The following DOCK8 variants were observed in gnomAD, a reference collection of about 807,000 sequenced individuals.
DOCK8 encodes the protein dedicator of cytokinesis 8.
In DOCK8, 141 loss-of-function variants were observed where a neutral mutation model predicts 245.6. That is an observed-to-expected ratio of 0.57 (90% CI 0.50 to 0.66). DOCK8 has a LOEUF of 0.66. DOCK8 is among the 30% of genes least tolerant of loss of function. DOCK8 has a pLI of 0.00. For missense variants in DOCK8, 2,965 were observed against 2,603.4 expected (o/e 1.14, Z -3.02); for synonymous variants, 1,168 against 970.2 (o/e 1.20, Z -3.79).
chr9:245,648 C>T (rs2047489249), intron 1 of DOCK8, among the ~76,000 whole-genome samples: 1 of 152,194 alleles, frequency 6.6e-6, no homozygotes, highest in Non-Finnish European at 1.5e-5. Context: ...CCACACCCTA[C>T]TGCCTACCAT....
intron 4 of DOCK8, among the ~76,000 whole-genome samples, chr9:298,659 G>GTC (rs2049382953): frequency 1.3e-5 from 2 of 151,264 alleles, no homozygotes; most frequent in African/African-American, 4.9e-5. Context: ...GTGTGTCAGA[G>GTC]AGAGAGAGAG....
intron 1 of DOCK8, among the ~76,000 whole-genome samples, chr9:261,045 C>T (rs1429499938): frequency 6.7e-6 from 1 of 149,192 alleles, no homozygotes; most frequent in African/African-American, 2.5e-5. Context: ...GAGATCGTGC[C>T]ACTGCACTCC....
rs772385663 is a variant in DOCK8, at chr9:370,272, G to A, written c.1840G>A (p.Val614Met). 2 of 1,614,120 alleles carry A rather than the reference G, an allele frequency of 1.2e-6. No homozygotes were observed. The highest frequency in any genetic ancestry group is 1.7e-6 in the Non-Finnish European group (2 of 1,179,954). The part of the protein sequence containing the change: ...KSSGPEFLQE[V>M]YTAVTYHNKS... The stretch of plus-strand genomic sequence containing the variant: ...CAGCGGGCCTGAATTTCTGCAGGAA[G>A]TGTACACAGCTGTTACATACCATAA... The change falls in exon 16 of 48, where the codon GTG (valine) becomes ATG (methionine). Residue 614 changes from valine to methionine, a missense_variant. Physicochemically the swap from Val to Met is conservative, Grantham distance 21 (BLOSUM62 1). Coordinates refer to ENST00000432829, the MANE Select transcript of DOCK8 (RefSeq NM_203447.4).
chr9:402,869 C>G (rs1259482858), intron 26 of DOCK8, among the ~76,000 whole-genome samples: 4 of 152,264 alleles, frequency 2.6e-5, no homozygotes, highest in Middle Eastern at 3.4e-3. Context: ...TTCAAAACAT[C>G]ACTCAAATTG....
intron 26 of DOCK8, among the ~76,000 whole-genome samples, chr9:401,327 G>A (rs1935438166): frequency 6.6e-6 from 1 of 152,154 alleles, no homozygotes; most frequent in African/African-American, 2.4e-5. Flanking sequence ...GCCCCTCCCA[G>A]CATGAGAACA....
intron 38 of DOCK8, 49 bp downstream of exon 38, chr9:434,024 TTGTCAC>T (rs1362973533): frequency 7.3e-7 from 1 of 1,371,408 alleles, no homozygotes; most frequent in African/African-American, 1.4e-5. Context: ...GGTCGAGGAT[TTGTCAC>T]TGTGGAGTTC....
At position 219,286 on chromosome 9, in the gene DOCK8, A is replaced by G. The variant is rs556179698; in HGVS notation, c.53+4257A>G. Among the ~76,000 whole-genome samples the G allele has an allele frequency of 1.6e-4, 24 of 152,260 alleles. No individual in the cohort carries two copies. The East Asian group carries it at 3.3e-3, about 21-fold the overall frequency. On this transcript the variant is annotated intron_variant, in intron 1 of 47. Coordinates refer to ENST00000432829, the MANE Select transcript of DOCK8 (RefSeq NM_203447.4). ...GGAGTTCAAGACCGGCCTGGCCAAC[A>G]TGGCGAAACCCCGTCTCTACTAAAA...
intron 1 of DOCK8, among the ~76,000 whole-genome samples, chr9:234,699 G>A (rs2047205360): frequency 6.6e-6 from 1 of 152,128 alleles, no homozygotes; most frequent in South Asian, 2.1e-4. Context: ...CGGCTACTGA[G>A]GCTTCTGCAT....
intron 5 of DOCK8, among the ~76,000 whole-genome samples, chr9:306,074 T>G (rs2049813860): frequency 6.6e-6 from 1 of 152,196 alleles, no homozygotes; most frequent in South Asian, 2.1e-4. Flanking sequence ...CTGCCCATTT[T>G]ATAGATGAGA....
chr9:415,773 C>G (rs1371134942), intron 29 of DOCK8, among the ~76,000 whole-genome samples: 1 of 152,154 alleles, frequency 6.6e-6, no homozygotes, highest in Non-Finnish European at 1.5e-5. Context: ...TTGGAAATGT[C>G]CATGCTGCTC....
At position 464,342 on chromosome 9, in the gene DOCK8, T is replaced by G; in HGVS notation, c.*123T>G. 3.4e-6 allele frequency: 3 copies of G among 871,014 alleles called. No homozygotes were observed. Among genetic ancestry groups the G allele is most frequent in the Non-Finnish European group, 5.9e-6 (3 of 512,240 alleles). The allele number at this position is 871,014 out of a possible 1,614,324, so 54.0% of individuals were successfully genotyped here. ...TGTACACTCCCTGATCAGCCAGCAC[T>G]CTGGAAGCTTTGGGATCCCAGGAAC... On this transcript the variant is annotated 3_prime_UTR_variant, in exon 48 of 48. Coordinates refer to ENST00000432829, the MANE Select transcript of DOCK8 (RefSeq NM_203447.4).
intron 7 of DOCK8, among the ~76,000 whole-genome samples, chr9:323,070 G>C (rs1200446066): frequency 6.9e-6 from 1 of 144,772 alleles, no homozygotes; most frequent in Non-Finnish European, 1.5e-5. Flanking sequence ...TCCACCCTGG[G>C]TGACAAGAGC....
At chr9:429,910 A>G in intron 36 of DOCK8, 56 bp downstream of exon 36, 2 of 1,601,910 alleles carry the variant, frequency 1.2e-6, no homozygotes, top group Non-Finnish European at 1.7e-6. Context: ...ATTGATGTAA[A>G]GCATCAGCTG....
chr9:215,281 TC>T (rs1483734453), intron 1 of DOCK8: 1 of 1,608,338 alleles, frequency 6.2e-7, no homozygotes. Flanking sequence ...CCGCCGGGGA[TC>T]CCTTCCCCGA....
Position 464,506 on chromosome 9 carries a change from G to C in DOCK8, c.*287G>C. On this transcript the variant is annotated 3_prime_UTR_variant, in exon 48 of 48. Coordinates refer to ENST00000432829, the MANE Select transcript of DOCK8 (RefSeq NM_203447.4). Reference sequence around the variant, plus strand: ...CAATGTACCAAACAAGGCATAAGCAGCTTCTCCTGCTGACTGGCCAATCAC... The same window carrying C: ...CAATGTACCAAACAAGGCATAAGCACCTTCTCCTGCTGACTGGCCAATCAC... 2.0e-6 allele frequency: 1 copy of C among 493,868 alleles called. No individual in the cohort carries two copies. Among genetic ancestry groups the C allele is most frequent in the Non-Finnish European group, 3.7e-6 (1 of 270,686 alleles). 30.6% of individuals were successfully genotyped at this position (493,868 alleles called of 1,614,324 possible).
At chr9:438,709 A>C (rs2056986812) in intron 39 of DOCK8, among the ~76,000 whole-genome samples, 1 of 152,230 alleles carries the variant, frequency 6.6e-6, no homozygotes, top group Admixed American at 6.5e-5. Flanking sequence ...CAAAATGTTC[A>C]GGAAGAACAA....
chr9:284,753 T>C (rs1324578696), intron 2 of DOCK8, among the ~76,000 whole-genome samples: 1 of 152,218 alleles, frequency 6.6e-6, no homozygotes, highest in African/African-American at 2.4e-5. Flanking sequence ...CATGGAATAC[T>C]ATGCAGCCAT....
chr9:397,211 G>T lies in DOCK8; in HGVS notation c.3120+277G>T, dbSNP rs7047040. The stretch of plus-strand genomic sequence containing the variant: ...TACTAAAAATATAAAAATTAGCTGA[G>T]CATGGTTGTGCATATCTGTAATCCC... On this transcript the variant is annotated intron_variant, in intron 25 of 47. Coordinates refer to ENST00000432829, the MANE Select transcript of DOCK8 (RefSeq NM_203447.4). Among the ~76,000 whole-genome samples, 62,344 of 151,548 alleles carry T rather than the reference G, an allele frequency of 0.41. 14,131 individuals are homozygous for T. The highest frequency in any genetic ancestry group is 0.74 in the East Asian group (3,825 of 5,144).
chr9:233,783 A>G (rs10117079), intron 1 of DOCK8, among the ~76,000 whole-genome samples: 25,518 of 151,490 alleles, frequency 0.17, 2,399 homozygotes, highest in East Asian at 0.4. Flanking sequence ...TTTTGAGCCT[A>G]TGTGTGTCTC....
Sources: allele counts gnomAD v4.1 joint callset (sites outside exome capture counted in the v4.1 genomes callset), GRCh38; gene constraint gnomAD v4.1.1; transcripts MANE v1.5; gene names NCBI Gene and HGNC (gene_info 2026-07-23, HGNC 2026-07-21).